Variants in TBCK observed in about 807,000 individuals in gnomAD.
TBCK encodes the protein TBC1 domain containing kinase.
TBCK carries 99 observed loss-of-function variants against 113.4 expected under a neutral mutation model. That is an observed-to-expected ratio of 0.87 (90% CI 0.74 to 1.03). The LOEUF (loss-of-function observed/expected upper bound fraction) is 1.03, where lower values mean the gene tolerates loss of function less well. Among genes scored for constraint, TBCK ranks in the 50% least tolerant of loss-of-function variants. The pLI, the probability that TBCK is intolerant of heterozygous loss-of-function variation, is 0.00. For synonymous variants in TBCK, 369 were observed against 370.8 expected (o/e 1.00, Z 0.05); for missense variants, 1,045 against 1,061.3 (o/e 0.98, Z 0.21).
At chr4:106,290,137 C>G (rs944939946) in intron 3 of TBCK, among the ~76,000 whole-genome samples, 5 of 152,090 alleles carry the variant, frequency 3.3e-5, no homozygotes, top group African/African-American at 1.2e-4. Context: ...CAGCAGGAGA[C>G]TGTAAATTTG....
intron 3 of TBCK, 60 bp downstream of exon 3, chr4:106,295,034 A>C: frequency 7.0e-7 from 1 of 1,423,424 alleles, no homozygotes; most frequent in Non-Finnish European, 9.7e-7. Flanking sequence ...GTTTAAACAA[A>C]ATGCCTTTTT....
chr4:106,193,688 T>C lies in TBCK; in HGVS notation c.1980A>G (p.Val660=). 6.2e-7 allele frequency: 1 copy of C among 1,613,222 alleles called. No individual in the cohort carries two copies. Among genetic ancestry groups the C allele is most frequent in the Non-Finnish European group, 8.5e-7 (1 of 1,179,554 alleles). The change falls in exon 22 of 26, where the codon GTA becomes GTG. Residue 660 remains valine, a synonymous_variant. Transcript: ENST00000394708. ...GGTCCCGCAGCTGCTGAAGAATTGC[T>C]ACTCCAATACAGAATGGGAAAGAGG... ...GNSSFPFCIG[V]AILQQLRDRL...
In TBCK at chr4:106,127,099, T is replaced by G. The variant is rs1379198677; in HGVS notation, c.2236-10721A>C. ...GGCATGTGCCTGTAATCCCAGCTAC[T>G]CGGGAGGCTGAGGCAGGAGAATCGC... On this transcript the variant is annotated intron_variant, in intron 23 of 25. Coordinates refer to ENST00000394708, the MANE Select transcript of TBCK (RefSeq NM_001163435.3). Among the ~76,000 whole-genome samples the G allele has an allele frequency of 4.6e-5, 7 of 150,608 alleles. No individual in the cohort carries two copies. In the Admixed American group the frequency reaches 4.7e-4, roughly 10 times the overall value.
At chr4:106,172,046 G>A (rs1253785685) in intron 22 of TBCK, among the ~76,000 whole-genome samples, 1 of 152,012 alleles carries the variant, frequency 6.6e-6, no homozygotes, top group Non-Finnish European at 1.5e-5. Context: ...TGCCCAGGCT[G>A]TTCTTGAATT....
intron 23 of TBCK, among the ~76,000 whole-genome samples, chr4:106,120,113 C>T (rs28814088): frequency 0.2 from 30,237 of 152,016 alleles, 3,412 homozygotes; most frequent in South Asian, 0.27. Context: ...GTGCGCGCAC[C>T]GTGCGCGAGC....
intron 5 of TBCK, among the ~76,000 whole-genome samples, chr4:106,260,112 T>C (rs903242566): frequency 6.6e-6 from 1 of 151,938 alleles, no homozygotes; most frequent in Non-Finnish European, 1.5e-5. Context: ...CACATTATCA[T>C]TAGTTGAGAA....
chr4:106,263,269 T>G (rs1197875696), intron 3 of TBCK, among the ~76,000 whole-genome samples: 1 of 151,616 alleles, frequency 6.6e-6, no homozygotes, highest in Non-Finnish European at 1.5e-5. Flanking sequence ...TAATATGGAA[T>G]AATAAAAAAT....
chr4:106,074,624 T>C lies in TBCK; in HGVS notation c.2571+20858A>G, dbSNP rs28607687. Among the ~76,000 whole-genome samples, 131 of 152,364 alleles carry C rather than the reference T, an allele frequency of 8.6e-4. 3 individuals carry two copies. Among genetic ancestry groups the C allele is most frequent in the South Asian group, 8.3e-3 (40 of 4,832 alleles). ...CTAAAAGATTCATGTATTTAGATAC[T>C]ACCCTTATCCAAATAACAGTCCAGG... On this transcript the variant is annotated intron_variant, in intron 25 of 25. Transcript: ENST00000394708.
chr4:106,263,848 T>A (rs576081850), intron 3 of TBCK, among the ~76,000 whole-genome samples: 22 of 152,128 alleles, frequency 1.4e-4, no homozygotes, highest in South Asian at 8.3e-4. Flanking sequence ...ATTCTTCTGG[T>A]GGTTAGATTT....
chr4:106,303,146 C>G (rs1767126260), intron 2 of TBCK, among the ~76,000 whole-genome samples: 2 of 152,158 alleles, frequency 1.3e-5, no homozygotes, highest in Non-Finnish European at 2.9e-5. Flanking sequence ...TGAGGCAAAA[C>G]CCTACACAGT....
chr4:106,247,606 T>A (rs1249284936), intron 9 of TBCK: 3 of 193,056 alleles, frequency 1.6e-5, no homozygotes, highest in Non-Finnish European at 3.1e-5. Flanking sequence ...AATAATTAAA[T>A]AATATTTATG....
chr4:106,199,983 C>G (rs1754693061), intron 20 of TBCK, among the ~76,000 whole-genome samples: 1 of 152,176 alleles, frequency 6.6e-6, no homozygotes, highest in Admixed American at 6.5e-5. Flanking sequence ...CTTTCCACCT[C>G]TAACAATAAA....
intron 24 of TBCK, among the ~76,000 whole-genome samples, chr4:106,110,149 A>C (rs549090229): frequency 6.6e-6 from 1 of 152,270 alleles, no homozygotes; most frequent in African/African-American, 2.4e-5. Flanking sequence ...ATCTGTACTA[A>C]ATAAATGCCA....
chr4:106,153,619 G>T (rs1748775832), intron 23 of TBCK, among the ~76,000 whole-genome samples: 1 of 152,054 alleles, frequency 6.6e-6, no homozygotes, highest in African/African-American at 2.4e-5. Context: ...ATGCTTCTTT[G>T]ATGATTTTCT....
intron 25 of TBCK, among the ~76,000 whole-genome samples, chr4:106,076,714 A>G (rs769159049): frequency 6.6e-6 from 1 of 152,196 alleles, no homozygotes; most frequent in Non-Finnish European, 1.5e-5. Context: ...CCTATTTTCA[A>G]TATCTTTAAA....
intron 2 of TBCK, among the ~76,000 whole-genome samples, chr4:106,297,953 G>A (rs1766486711): frequency 6.6e-6 from 1 of 152,164 alleles, no homozygotes; most frequent in Non-Finnish European, 1.5e-5. Flanking sequence ...ATAGTGTGTG[G>A]CACATAACAA....
chr4:106,153,711 T>G (rs965272780), intron 23 of TBCK, among the ~76,000 whole-genome samples: 4 of 152,100 alleles, frequency 2.6e-5, no homozygotes, highest in Non-Finnish European at 5.9e-5. Flanking sequence ...CTCTCTTTAG[T>G]GCTAATAAGT....
chr4:106,069,673 C>T (rs558355899), intron 25 of TBCK, among the ~76,000 whole-genome samples: 1 of 152,254 alleles, frequency 6.6e-6, no homozygotes, highest in South Asian at 2.1e-4. Flanking sequence ...TTTTTCCATT[C>T]TGTGAAGAAA....
At chr4:106,295,537 G>T (rs1766207456) in intron 2 of TBCK, among the ~76,000 whole-genome samples, 1 of 152,034 alleles carries the variant, frequency 6.6e-6, no homozygotes, top group Admixed American at 6.5e-5. Context: ...AAGGAGCTAG[G>T]TACAGATTGC....
Sources: gnomAD v4.1 joint callset for allele counts (sites outside exome capture counted in the v4.1 genomes callset) on GRCh38, gnomAD v4.1.1 for gene constraint, MANE v1.5 for transcripts, NCBI Gene and HGNC (gene_info 2026-07-23, HGNC 2026-07-21) for gene names.